Variants in ZFX observed in about 807,000 individuals in gnomAD.
ZFX encodes zinc finger protein X-linked.
For synonymous variants in ZFX, 196 were observed against 226.8 expected (o/e 0.86, Z 1.22); for missense variants, 362 against 628.3 (o/e 0.58, Z 4.53).
At chrX:24,192,807 G>T (rs745548492) in intron 5 of ZFX, among the ~76,000 whole-genome samples, 6 of 108,098 alleles carry the variant, frequency 5.6e-5, no homozygotes, top group Non-Finnish European at 1.1e-4. Flanking sequence ...AGGTGGGAGG[G>T]TTGCTTGAGC....
At chrX:24,164,798 G>A (rs914473184) in intron 3 of ZFX, among the ~76,000 whole-genome samples, 1 of 109,777 alleles carries the variant, frequency 9.1e-6, no homozygotes, top group Non-Finnish European at 1.9e-5. Flanking sequence ...TTAGCCAGGC[G>A]TGGTGGTGCA....
chrX:24,193,427 TG>T (rs1936676480), intron 5 of ZFX, among the ~76,000 whole-genome samples: 2 of 111,542 alleles, frequency 1.8e-5, no homozygotes, highest in African/African-American at 3.3e-5. Flanking sequence ...TCCAGGAGAT[TG>T]GGGGAAGAAT....
intron 3 of ZFX, among the ~76,000 whole-genome samples, chrX:24,170,275 A>G (rs1013301709): frequency 3.7e-5 from 4 of 106,753 alleles, no homozygotes; most frequent in Admixed American, 1.0e-4. Context: ...CCCTGCCTCA[A>G]CCTCCTGAGT....
Position 24,151,748 on chromosome X carries a change from G to GCCTCCCACTGCCC in ZFX, c.-191_-179dup, listed in dbSNP as rs1265972377. The GCCTCCCACTGCCC allele has an allele frequency of 2.7e-5, 3 of 111,490 alleles. No homozygotes were observed. The highest frequency in any genetic ancestry group is 4.1e-3 in the Middle Eastern group (1 of 241). 9.2% of individuals were successfully genotyped at this position (111,490 alleles called of 1,213,427 possible). On this transcript the variant is annotated 5_prime_UTR_variant, in exon 2 of 10. Coordinates refer to ENST00000304543, the MANE Select transcript of ZFX (RefSeq NM_003410.4). ...ACTCCTGGGCTCAAGCCGTTCTCCC[G>GCCTCCCACTGCCC]CCTCCCACTGCCCGCCTGTCACTGC...
intron 3 of ZFX, among the ~76,000 whole-genome samples, chrX:24,154,049 T>A (rs1932532438): frequency 9.0e-6 from 1 of 111,648 alleles, no homozygotes; most frequent in Non-Finnish European, 1.9e-5. Context: ...CCAGACAACA[T>A]TTTATAAAAC....
At chrX:24,158,237 C>T (rs1001310799) in intron 3 of ZFX, among the ~76,000 whole-genome samples, 1 of 110,634 alleles carries the variant, frequency 9.0e-6, no homozygotes, top group Non-Finnish European at 1.9e-5. Context: ...TTGGTATCTT[C>T]AGAGTCAGTG....
chrX:24,201,059 C>T (rs922793899), intron 5 of ZFX, among the ~76,000 whole-genome samples: 16 of 111,927 alleles, frequency 1.4e-4, no homozygotes, highest in Admixed American at 1.4e-3. Flanking sequence ...TCAATTTTAT[C>T]GAAGCCTTCT....
intron 3 of ZFX, among the ~76,000 whole-genome samples, chrX:24,156,920 C>T (rs1405197985): frequency 8.9e-6 from 1 of 111,820 alleles, no homozygotes; most frequent in Non-Finnish European, 1.9e-5. Context: ...TCTCAAAGTG[C>T]TGGGATTACA....
chrX:24,159,597 C>A (rs1286343254), intron 3 of ZFX, among the ~76,000 whole-genome samples: 1 of 111,009 alleles, frequency 9.0e-6, no homozygotes, highest in Non-Finnish European at 1.9e-5. Context: ...GCCTCAGCCT[C>A]CTGAGTAGCT....
At chrX:24,187,087 ATAGT>A (rs768035631) in intron 5 of ZFX, among the ~76,000 whole-genome samples, 2 of 111,845 alleles carry the variant, frequency 1.8e-5, no homozygotes, top group African/African-American at 3.2e-5. Flanking sequence ...AATTGAAAAT[ATAGT>A]TAGTTTTTGA....
At chrX:24,152,863 G>T (rs1454530625) in intron 3 of ZFX, 33 bp downstream of exon 3, 1 of 112,481 alleles carries the variant, frequency 8.9e-6, no homozygotes, top group Non-Finnish European at 1.9e-5. Flanking sequence ...ATTAGAAATG[G>T]TTAAATATAA....
chrX:24,171,502 A>G (rs1162805895), intron 3 of ZFX, among the ~76,000 whole-genome samples: 1 of 111,285 alleles, frequency 9.0e-6, no homozygotes, highest in Non-Finnish European at 1.9e-5. Flanking sequence ...AATTTTATTT[A>G]GAGGGAGCAA....
intron 3 of ZFX, among the ~76,000 whole-genome samples, chrX:24,170,068 G>A (rs1417596082): frequency 9.0e-6 from 1 of 111,178 alleles, no homozygotes; most frequent in African/African-American, 3.3e-5. Flanking sequence ...AAATTTGTGC[G>A]GTGAGGGGCT....
intron 5 of ZFX, among the ~76,000 whole-genome samples, chrX:24,206,536 TGTGTGTGTGTGTGTA>T (rs1202858191): frequency 5.1e-5 from 5 of 98,631 alleles, no homozygotes; most frequent in East Asian, 3.2e-4. Context: ...TGTGTGTGTG[TGTGTGTGTGTGTGTA>T]TTTTTTTTTT....
chrX:24,178,546 C>T (rs182915997), intron 4 of ZFX, among the ~76,000 whole-genome samples: 3 of 110,421 alleles, frequency 2.7e-5, no homozygotes, highest in Non-Finnish European at 5.7e-5. Flanking sequence ...GTCTTGGCCT[C>T]CCAAAGTGCT....
chrX:24,185,262 G>T (rs1282654338), intron 5 of ZFX, among the ~76,000 whole-genome samples: 1 of 110,972 alleles, frequency 9.0e-6, no homozygotes, highest in East Asian at 2.8e-4. Context: ...ACCTTGCCCG[G>T]CCTCTACAGC....
intron 5 of ZFX, among the ~76,000 whole-genome samples, chrX:24,205,874 A>G (rs984817962): frequency 1.8e-5 from 2 of 111,389 alleles, no homozygotes; most frequent in African/African-American, 6.5e-5. Context: ...AATAAAATAT[A>G]AAAATAAATA....
chrX:24,152,033 A>G (rs1232229828), intron 2 of ZFX, among the ~76,000 whole-genome samples: 1 of 111,897 alleles, frequency 8.9e-6, no homozygotes, highest in Non-Finnish European at 1.9e-5. Flanking sequence ...TCTATGGTAC[A>G]CAAATAGGGA....
chrX:24,166,964 A>C (rs1934061303), intron 3 of ZFX, among the ~76,000 whole-genome samples: 1 of 112,167 alleles, frequency 8.9e-6, no homozygotes, highest in African/African-American at 3.2e-5. Flanking sequence ...GCAGGGAGGC[A>C]CTTGGAGATA....
Sources: gnomAD v4.1 joint callset for allele counts (sites outside exome capture counted in the v4.1 genomes callset) on GRCh38, gnomAD v4.1.1 for gene constraint, MANE v1.5 for transcripts, NCBI Gene and HGNC (gene_info 2026-07-23, HGNC 2026-07-21) for gene names.